The following NFIB variants were observed in gnomAD, a reference collection of about 807,000 sequenced individuals.
The protein encoded by NFIB is nuclear factor I B.
Under a neutral mutation model 61.5 loss-of-function variants are expected in NFIB, and 11 were observed. That is an observed-to-expected ratio of 0.18 (90% CI 0.11 to 0.30). NFIB has a LOEUF of 0.30. Ranked by LOEUF, NFIB falls within the 10% of genes least tolerant of loss-of-function variation. The probability of loss-of-function intolerance (pLI) is 1.00; values close to 1 mark genes in which losing one functional copy is unlikely to be tolerated. For missense variants in NFIB, 471 were observed against 608.9 expected, an observed-to-expected ratio of 0.77 and a Z score of 2.38; for synonymous variants, 260 against 216.5, an observed-to-expected ratio of 1.20 and a Z score of -1.76.
upstream of NFIB, among the ~76,000 whole-genome samples, chr9:14,314,749 C>T (rs2060461096): frequency 1.4e-5 from 2 of 145,772 alleles, no homozygotes; most frequent in African/African-American, 5.1e-5. Flanking sequence ...CCACCTCTCC[C>T]TCATTTGTTA....
chr9:14,164,294 T>C (rs1336980063), intron 3 of NFIB, among the ~76,000 whole-genome samples: 1 of 152,096 alleles, frequency 6.6e-6, no homozygotes. Context: ...GGCAATTTCA[T>C]GGTTGTATGA....
At chr9:14,427,274 G>GTAA in the NFIB span, among the ~76,000 whole-genome samples, 1 of 152,036 alleles carries the variant, frequency 6.6e-6, no homozygotes, top group Non-Finnish European at 1.5e-5. Flanking sequence ...GGTAATAATA[G>GTAA]TAATAATAAT....
At chr9:14,178,383 A>G (rs1442529799) in intron 3 of NFIB, among the ~76,000 whole-genome samples, 1 of 152,108 alleles carries the variant, frequency 6.6e-6, no homozygotes, top group Non-Finnish European at 1.5e-5. Context: ...ACACACAACA[A>G]AATAAAATAA....
At chr9:14,473,397 T>C in the NFIB span, among the ~76,000 whole-genome samples, 1 of 145,872 alleles carries the variant, frequency 6.9e-6, no homozygotes, top group Admixed American at 6.9e-5. Flanking sequence ...AAGAAAGCCA[T>C]GAAGAGGTTC....
chr9:14,101,283 A>T (rs2035742487), intron 10 of NFIB, among the ~76,000 whole-genome samples: 1 of 152,214 alleles, frequency 6.6e-6, no homozygotes, highest in African/African-American at 2.4e-5. Context: ...AGTGGAGGTT[A>T]TATCAATCTT....
chr9:14,341,630 T>C (rs2060951689), intron 1 of NFIB, among the ~76,000 whole-genome samples: 1 of 151,976 alleles, frequency 6.6e-6, no homozygotes, highest in Admixed American at 6.6e-5. Context: ...GCCAGTGAAA[T>C]GTGGAAATGG....
intron 2 of NFIB, among the ~76,000 whole-genome samples, chr9:14,200,712 C>T (rs1418531455): frequency 6.6e-6 from 1 of 152,084 alleles, no homozygotes; most frequent in Admixed American, 6.5e-5. Flanking sequence ...CTGTTGGTCC[C>T]TTATATGTTG....
the NFIB span, among the ~76,000 whole-genome samples, chr9:14,459,883 G>T: frequency 4.6e-5 from 7 of 151,462 alleles, no homozygotes; most frequent in African/African-American, 1.7e-4. Flanking sequence ...TGCTGGAGAG[G>T]ATGTGGAGAA....
intron 2 of NFIB, among the ~76,000 whole-genome samples, chr9:14,189,141 C>T (rs1193388603): frequency 6.6e-6 from 1 of 152,184 alleles, no homozygotes; most frequent in East Asian, 1.9e-4. Flanking sequence ...ACGCATTATT[C>T]TAAATCCCAC....
the NFIB span, among the ~76,000 whole-genome samples, chr9:14,459,049 G>A: frequency 2.0e-5 from 3 of 152,132 alleles, no homozygotes; most frequent in African/African-American, 4.8e-5. Flanking sequence ...AAAAGAGCCC[G>A]CATTGCCAAG....
the NFIB span, among the ~76,000 whole-genome samples, chr9:14,497,682 T>G: frequency 6.6e-6 from 1 of 152,222 alleles, no homozygotes. Flanking sequence ...GTGGTAACTA[T>G]CACTGTACAC....
chr9:14,351,430 C>G (rs1204973931), intron 1 of NFIB, among the ~76,000 whole-genome samples: 1 of 152,140 alleles, frequency 6.6e-6, no homozygotes, highest in African/African-American at 2.4e-5. Context: ...GCCAGGGATG[C>G]CTGGACCTTG....
chr9:14,297,143 C>T (rs1055651046), intron 2 of NFIB, among the ~76,000 whole-genome samples: 2 of 152,158 alleles, frequency 1.3e-5, no homozygotes, highest in East Asian at 1.9e-4. Flanking sequence ...CTGAGGTAGA[C>T]GTCTGGAGAA....
intron 5 of NFIB, 126 bp from the exon 6 acceptor site, chr9:14,146,933 T>C (rs934301125): frequency 1.6e-6 from 2 of 1,238,162 alleles, no homozygotes; most frequent in Non-Finnish European, 1.1e-6. Flanking sequence ...ATGGTGAGTA[T>C]AATGGTGAGT....
chr9:14,149,066 C>G (rs1386061176), intron 5 of NFIB, among the ~76,000 whole-genome samples: 1 of 152,130 alleles, frequency 6.6e-6, no homozygotes, highest in Non-Finnish European at 1.5e-5. Context: ...ATTTAGCAGA[C>G]AGAATTTAAA....
the NFIB span, among the ~76,000 whole-genome samples, chr9:14,468,150 C>A: frequency 6.6e-6 from 1 of 152,222 alleles, no homozygotes; most frequent in Admixed American, 6.5e-5. Flanking sequence ...CAAAGCCACT[C>A]ACCAAGGATG....
the NFIB span, among the ~76,000 whole-genome samples, chr9:14,457,612 A>G: frequency 2.0e-5 from 3 of 151,898 alleles, no homozygotes; most frequent in African/African-American, 7.3e-5. Flanking sequence ...AAATTGATAG[A>G]CCCCTAGCAA....
At chr9:14,385,088 G>T (rs944658380) in intron 1 of NFIB, among the ~76,000 whole-genome samples, 1 of 152,180 alleles carries the variant, frequency 6.6e-6, no homozygotes, top group Non-Finnish European at 1.5e-5. Flanking sequence ...CTCCTAGCAA[G>T]AGCTAACAAT....
At chr9:14,308,097 T>C (rs1356895599) in intron 1 of NFIB, 5 of 152,306 alleles carry the variant, frequency 3.3e-5, no homozygotes. Context: ...AGCAAGAGGC[T>C]GCTGGTGGCA....
Sources: allele counts gnomAD v4.1 joint callset (sites outside exome capture counted in the v4.1 genomes callset), GRCh38; gene constraint gnomAD v4.1.1; transcripts MANE v1.5; gene names NCBI Gene and HGNC (gene_info 2026-07-23, HGNC 2026-07-21).